Variants in NR2C2AP observed in about 807,000 individuals in gnomAD.
NR2C2AP encodes the protein nuclear receptor 2C2-associated protein.
Under a neutral mutation model 19.1 loss-of-function variants are expected in NR2C2AP, and 13 were observed. The observed-to-expected ratio is 0.68, with a 90% CI of 0.44 to 1.08. The LOEUF is 1.08. Ranked by LOEUF, NR2C2AP falls within the 50% of genes least tolerant of loss-of-function variation. The pLI, the probability that NR2C2AP is intolerant of heterozygous loss-of-function variation, is 0.00. For synonymous variants in NR2C2AP, 81 were observed against 64.4 expected, an observed-to-expected ratio of 1.26 and a Z score of -1.23; for missense variants, 181 against 172.7, an observed-to-expected ratio of 1.05 and a Z score of -0.27.
rs1317729252 is a variant in NR2C2AP, at chr19:19,201,879, C to A, written c.*46G>T. The A allele has an allele frequency of 1.2e-6, 2 of 1,613,348 alleles. No individual in the cohort carries two copies. Among genetic ancestry groups the A allele is most frequent in the Non-Finnish European group, 1.7e-6 (2 of 1,179,556 alleles). On this transcript the variant is annotated 3_prime_UTR_variant, in exon 5 of 5. Coordinates refer to ENST00000331552, the MANE Select transcript of NR2C2AP (RefSeq NM_176880.6). The stretch of plus-strand genomic sequence containing the variant: ...CTTCTGTGCAGAATGAGGGACTTTG[C>A]TGTGCTTCCCGGAGGGCTTCCTGGA...
At position 19,203,384 on chromosome 19, in the gene NR2C2AP, C is replaced by T. The variant is rs1247212310; in HGVS notation, c.-324G>A. 5.8e-5 allele frequency: 26 copies of T among 451,264 alleles called. No homozygotes were observed. The highest frequency in any genetic ancestry group is 1.1e-4 in the Non-Finnish European group (26 of 243,990). The allele number at this position is 451,264 out of a possible 1,614,324, so 28.0% of individuals were successfully genotyped here. A position where few individuals can be genotyped will look rare whatever the true frequency, so the allele number is the denominator to read the frequency against. On this transcript the variant is annotated 5_prime_UTR_variant, in exon 1 of 5. Coordinates refer to ENST00000331552, the MANE Select transcript of NR2C2AP (RefSeq NM_176880.6). ...CGAGGCTGTTTCTCTGCGAATAGCT[C>T]TTGGAGCCAAATCTTGGGACCCGGA...
rs2060743073 is a variant in NR2C2AP at position 19,203,133 on chromosome 19, C to T, written c.-73G>A. The stretch of plus-strand genomic sequence containing the variant: ...GTTCGAATCCCGGCGCCTCCTCAAG[C>T]TACAGGGCGGCGCGATCTTGGCTAC... On this transcript the variant is annotated 5_prime_UTR_variant, in exon 1 of 5. Transcript: ENST00000331552. 1 of 1,542,312 alleles carries T rather than the reference C, an allele frequency of 6.5e-7. No homozygotes were observed.
At position 19,202,894 on chromosome 19, in the gene NR2C2AP, G is replaced by A. The variant is rs2060740555; in HGVS notation, c.39-13C>T. 6.2e-7 allele frequency: 1 copy of A among 1,612,940 alleles called. No individual in the cohort carries two copies. The highest frequency in any genetic ancestry group is 1.3e-5 in the African/African-American group (1 of 74,932). ...CACTGAACTCACCCTGGAGGCACCAGGATCAAGGCGAAGAGAGGGGCTGAG... is the reference window on the plus strand; with the variant it reads ...CACTGAACTCACCCTGGAGGCACCAAGATCAAGGCGAAGAGAGGGGCTGAG... On this transcript the variant is annotated splice_polypyrimidine_tract_variant and intron_variant, in intron 1 of 4. Transcript: ENST00000331552.
At chr19:19,202,927 C>T (rs755801361) in intron 1 of NR2C2AP, 46 bp from the exon 2 acceptor site, 1 of 1,609,740 alleles carries the variant, frequency 6.2e-7, no homozygotes, top group Non-Finnish European at 8.5e-7. Context: ...GAGACCAGCT[C>T]TCAGCTCCGC....
At chr19:19,202,923 A>T (rs1307060120) in intron 1 of NR2C2AP, 42 bp from the exon 2 acceptor site, 2 of 1,598,796 alleles carry the variant, frequency 1.3e-6, no homozygotes, top group Non-Finnish European at 1.7e-6. Flanking sequence ...GGCTGAGACC[A>T]GCTCTCAGCT....
intron 4 of NR2C2AP, 120 bp downstream of exon 4, chr19:19,202,211 A>G: frequency 8.3e-7 from 1 of 1,201,562 alleles, no homozygotes; most frequent in Non-Finnish European, 1.2e-6. Context: ...TTTTACAGAA[A>G]AAGTGGAGTC....
At chr19:19,202,956 A>T in intron 1 of NR2C2AP, 67 bp downstream of exon 1, 1 of 1,606,740 alleles carries the variant, frequency 6.2e-7, no homozygotes, top group African/African-American at 1.3e-5. Context: ...TGACCCCCAG[A>T]TCTGTCCACT....
chr19:19,203,154 G>T lies in NR2C2AP; in HGVS notation c.-94C>A. On this transcript the variant is annotated 5_prime_UTR_variant, in exon 1 of 5. Transcript: ENST00000331552. ...CAAGCTACAGGGCGGCGCGATCTTG[G>T]CTACGCCTTGGCCTGAACGTCCTCA... 2 of 1,342,150 alleles carry T rather than the reference G, an allele frequency of 1.5e-6. No individual in the cohort carries two copies. Among genetic ancestry groups the T allele is most frequent in the Non-Finnish European group, 2.1e-6 (2 of 949,778 alleles). The allele number at this position is 1,342,150 out of a possible 1,614,324, so 83.1% of individuals were successfully genotyped here. A position where few individuals can be genotyped will look rare whatever the true frequency, so the allele number is the denominator to read the frequency against.
At position 19,202,810 on chromosome 19, in the gene NR2C2AP, G is replaced by A. The variant is rs2060739841; in HGVS notation, c.110C>T (p.Thr37Ile). The A allele has an allele frequency of 1.2e-6, 2 of 1,613,684 alleles. No individual in the cohort carries two copies. Among genetic ancestry groups the A allele is most frequent in the Admixed American group, 3.3e-5 (2 of 60,002 alleles). Residue 37 changes from threonine (T) to isoleucine (I), a missense_variant, in exon 2 of 5, where the codon ACA becomes ATA. Transcript: ENST00000331552. The stretch of plus-strand genomic sequence containing the variant: ...CCTCACCTGGTCTGAGTTCCAACAT[G>A]TCTCCTCATCCTGGTCGAAAAGATG... ...KKHLFDQDEE[T>I]CWNSDQGPSQ...
At position 19,201,792 on chromosome 19, in the gene NR2C2AP, C is replaced by T; in HGVS notation, c.*133G>A. On this transcript the variant is annotated 3_prime_UTR_variant, in exon 5 of 5. Coordinates refer to ENST00000331552, the MANE Select transcript of NR2C2AP (RefSeq NM_176880.6). The stretch of plus-strand genomic sequence containing the variant: ...CAGAGCTGGGGAAACCCAGAACTGA[C>T]TTCAAAGGCAGCTTCTGGACAGGTG... 14 of 1,613,242 alleles carry T rather than the reference C, an allele frequency of 8.7e-6. No individual in the cohort carries two copies. The highest frequency in any genetic ancestry group is 1.1e-5 in the Non-Finnish European group (13 of 1,179,714).
rs919520729 is a variant in NR2C2AP, at chr19:19,202,687, CAT to C, written c.129+102_129+103del. 2.9e-6 allele frequency: 4 copies of C among 1,399,628 alleles called. No homozygotes were observed. In the African/African-American group the frequency reaches 5.7e-5, roughly 20 times the overall value. 86.7% of individuals were successfully genotyped at this position (1,399,628 alleles called of 1,614,324 possible). A position where few individuals can be genotyped will look rare whatever the true frequency, so the allele number is the denominator to read the frequency against. ...TGGAGGGGAAGAAGGAAATTCGGCA[CAT>C]GTTCCTTTCCTGGCCACCCATGAGG... On this transcript the variant is annotated intron_variant, in intron 2 of 4. Coordinates refer to ENST00000331552, the MANE Select transcript of NR2C2AP (RefSeq NM_176880.6).
At position 19,201,540 on chromosome 19, in the gene NR2C2AP, TCTGCAAGGGTCC is replaced by T. The variant is rs1401832202; in HGVS notation, c.*373_*384del. 6.2e-7 allele frequency: 1 copy of T among 1,604,540 alleles called. No homozygotes were observed. Among genetic ancestry groups the T allele is most frequent in the Non-Finnish European group, 8.5e-7 (1 of 1,179,840 alleles). ...CCAGCTTTGCTCTGTAATGCAGGTC[TCTGCAAGGGTCC>T]CTGTTTGTCCCCTAAGGGGAGAGCG... is the stretch of plus-strand genomic sequence containing the variant. On this transcript the variant is annotated 3_prime_UTR_variant, in exon 5 of 5. Coordinates refer to ENST00000331552, the MANE Select transcript of NR2C2AP (RefSeq NM_176880.6).
Position 19,202,582 on chromosome 19 carries a change from G to A in NR2C2AP, c.130-7C>T, listed in dbSNP as rs151222278. 2.7e-4 allele frequency: 430 copies of A among 1,610,200 alleles called. 1 individual carries two copies. The African/African-American group carries it at 5.2e-3, about 20-fold the overall frequency. On this transcript the variant is annotated splice_region_variant and splice_polypyrimidine_tract_variant and intron_variant, in intron 2 of 4. Coordinates refer to ENST00000331552, the MANE Select transcript of NR2C2AP (RefSeq NM_176880.6). ...TCACCCACTGGGAGGGGCCCTGGAA[G>A]CAGACAGGGAAACTGAGGCGCAAGC...
rs375809386 is a variant in NR2C2AP, at chr19:19,202,044, G to A, written c.304-3C>T. 3.2e-5 allele frequency: 51 copies of A among 1,613,966 alleles called. No homozygotes were observed. The highest frequency in any genetic ancestry group is 6.7e-5 in the Admixed American group (4 of 59,992). On this transcript the variant is annotated splice_polypyrimidine_tract_variant and splice_region_variant and intron_variant, in intron 4 of 4. Coordinates refer to ENST00000331552, the MANE Select transcript of NR2C2AP (RefSeq NM_176880.6). ...TCAGCAGCTGGTATGGGGAAAGTGT[G>A]AGCGTGGGCAGTCAAGGGAAACTGG...
rs2060714315 is a variant in NR2C2AP at position 19,201,458 on chromosome 19, G to A, written c.*467C>T. 6.5e-7 allele frequency: 1 copy of A among 1,549,552 alleles called. No individual in the cohort carries two copies. Among genetic ancestry groups the A allele is most frequent in the Middle Eastern group, 1.7e-4 (1 of 6,000 alleles). On this transcript the variant is annotated 3_prime_UTR_variant, in exon 5 of 5. Coordinates refer to ENST00000331552, the MANE Select transcript of NR2C2AP (RefSeq NM_176880.6). Reference sequence around the variant, plus strand: ...ATATTAATTCTGAAAAGCTACAAAAGTGCATTTTTACAAACTTAGGGGAAG... The same window carrying A: ...ATATTAATTCTGAAAAGCTACAAAAATGCATTTTTACAAACTTAGGGGAAG...
At position 19,202,333 on chromosome 19, in the gene NR2C2AP, G is replaced by T. The variant is rs749196361; in HGVS notation, c.301C>A (p.Gln101Lys). 5 of 1,614,156 alleles carry T rather than the reference G, an allele frequency of 3.1e-6. No individual in the cohort carries two copies. The South Asian group carries it at 5.5e-5, about 18-fold the overall frequency. ...CCCCAGAAGCAGGGGCAGGATATCT[G>T]AAGCGAGTTGTTGTCCTCAGGGTAG... is the stretch of plus-strand genomic sequence containing the variant. ...DFYPEDNNSLQTFPIPAAEVD... is the reference protein window; with the variant it reads ...DFYPEDNNSLKTFPIPAAEVD... Residue 101 changes from glutamine to lysine, a missense_variant and splice_region_variant, in exon 4 of 5, where the codon CAG (glutamine) becomes AAG (lysine). Physicochemically the swap from Gln to Lys is moderately conservative, Grantham distance 53. Transcript: ENST00000331552.
Position 19,203,307 on chromosome 19 carries a change from C to T in NR2C2AP, c.-247G>A. On this transcript the variant is annotated 5_prime_UTR_variant, in exon 1 of 5. Transcript: ENST00000331552. ...AACCGCCAATGCCCGGAGGCCAGGC[C>T]TTTCACAGGAAACAGATTTCCCGCG... is the stretch of plus-strand genomic sequence containing the variant. 1 of 578,282 alleles carries T rather than the reference C, an allele frequency of 1.7e-6. No homozygotes were observed. The highest frequency in any genetic ancestry group is 2.8e-5 in the East Asian group (1 of 35,112). The allele number at this position is 578,282 out of a possible 1,614,324, so 35.8% of individuals were successfully genotyped here.
chr19:19,203,112 GAATCCC>G lies in NR2C2AP; in HGVS notation c.-58_-53del. 2 of 1,597,604 alleles carry G rather than the reference GAATCCC, an allele frequency of 1.3e-6. No individual in the cohort carries two copies. Among genetic ancestry groups the G allele is most frequent in the Non-Finnish European group, 1.7e-6 (2 of 1,167,524 alleles). Reference sequence around the variant, plus strand: ...TTAGGATTGGGCACAGCCTTGGTTCGAATCCCGGCGCCTCCTCAAGCTACAGGGCGG... The same window carrying G: ...TTAGGATTGGGCACAGCCTTGGTTCGGGCGCCTCCTCAAGCTACAGGGCGG... On this transcript the variant is annotated 5_prime_UTR_variant, in exon 1 of 5. Transcript: ENST00000331552.
rs543674488 is a variant in NR2C2AP, at chr19:19,202,161, C to T, written c.304-120G>A. 17 of 1,215,256 alleles carry T rather than the reference C, an allele frequency of 1.4e-5. No individual in the cohort carries two copies. The South Asian group carries it at 1.7e-4, about 12-fold the overall frequency. 75.3% of individuals were successfully genotyped at this position (1,215,256 alleles called of 1,614,324 possible). A position where few individuals can be genotyped will look rare whatever the true frequency, so the allele number is the denominator to read the frequency against. On this transcript the variant is annotated intron_variant, in intron 4 of 4. Coordinates refer to ENST00000331552, the MANE Select transcript of NR2C2AP (RefSeq NM_176880.6). ...GGCAACCTGGGGAAGCTGCAGGTCC[C>T]TCTAAGCCTCTCACACAGAACAGGT...
Sources: allele counts gnomAD v4.1 joint callset, GRCh38; gene constraint gnomAD v4.1.1; transcripts MANE v1.5; gene names NCBI Gene and HGNC (gene_info 2026-07-23, HGNC 2026-07-21).